SEC24A: variants seen among roughly 807,000 people sequenced by gnomAD.
SEC24A encodes the protein SEC24 homolog A, COPII component, also known as protein transport protein Sec24A.
A neutral mutation model predicts 129.4 loss-of-function variants in SEC24A; 93 were observed. That is an observed-to-expected ratio of 0.72 (90% CI 0.61 to 0.85). The LOEUF (loss-of-function observed/expected upper bound fraction) is 0.85, where lower values mean the gene tolerates loss of function less well. Among genes scored for constraint, SEC24A ranks in the 40% least tolerant of loss-of-function variants. The pLI, the probability that SEC24A is intolerant of heterozygous loss-of-function variation, is 0.00. For missense variants in SEC24A, 1,264 were observed against 1,307.4 expected (o/e 0.97, Z 0.51); for synonymous variants, 460 against 467.3 (o/e 0.98, Z 0.20).
intron 15 of SEC24A, among the ~76,000 whole-genome samples, chr5:134,701,916 A>G (rs1752019353): frequency 6.6e-6 from 1 of 152,346 alleles, no homozygotes; most frequent in African/African-American, 2.4e-5. Flanking sequence ...TACATACTCT[A>G]GAAAAGTTAA....
intron 17 of SEC24A, among the ~76,000 whole-genome samples, chr5:134,706,008 G>C (rs532889439): frequency 6.6e-6 from 1 of 151,088 alleles, no homozygotes; most frequent in Non-Finnish European, 1.5e-5. Flanking sequence ...CTGCCTCAGC[G>C]TCCCGAGTAG....
intron 8 of SEC24A, 80 bp from the exon 9 acceptor site, chr5:134,682,293 C>T: frequency 1.5e-6 from 1 of 674,410 alleles, no homozygotes; most frequent in Non-Finnish European, 2.6e-6. Context: ...GTCATCTTTT[C>T]AAGGAAGAAA....
Position 134,694,291 on chromosome 5 carries a change from C to T in SEC24A, c.1986+358C>T, listed in dbSNP as rs118129665. 4.1e-4 allele frequency among the ~76,000 whole-genome samples: 62 copies of T among 152,060 alleles called. 3 individuals are homozygous for T. In the East Asian group the frequency reaches 0.012, roughly 29 times the overall value. On this transcript the variant is annotated intron_variant, in intron 13 of 22. Coordinates refer to ENST00000398844, the MANE Select transcript of SEC24A (RefSeq NM_021982.3). ...CTGTAATCCCAACATCTTGGGAGGC[C>T]GAGTTGGGCAGTTCATCTGAGGTTG...
chr5:134,725,047 T>C lies in SEC24A; in HGVS notation c.3235T>C (p.Ser1079Pro), dbSNP rs375623851. The change falls in exon 23 of 23, where the codon TCA (serine) becomes CCA (proline). Residue 1079 changes from serine (S) to proline (P), a missense_variant. Coordinates refer to ENST00000398844, the MANE Select transcript of SEC24A (RefSeq NM_021982.3). ...AGAAGACAGAACAGAATCTGCATTA[T>C]CATATTATGAATTCCTGTTGCATAT... ...MIEDRTESAL[S>P]YYEFLLHIQQ... 6.2e-7 allele frequency: 1 copy of C among 1,602,482 alleles called. No individual in the cohort carries two copies. The highest frequency in any genetic ancestry group is 8.5e-7 in the Non-Finnish European group (1 of 1,170,648).
chr5:134,713,584 G>A (rs1325149264), intron 18 of SEC24A, among the ~76,000 whole-genome samples: 1 of 152,066 alleles, frequency 6.6e-6, no homozygotes, highest in Admixed American at 6.6e-5. Context: ...TTTTTTGAAT[G>A]AATAGATGGA....
At chr5:134,685,018 G>A (rs542153010) in intron 9 of SEC24A, among the ~76,000 whole-genome samples, 2 of 152,232 alleles carry the variant, frequency 1.3e-5, no homozygotes, top group African/African-American at 4.8e-5. Context: ...GTATCCATGA[G>A]TTCTGCATCC....
chr5:134,653,751 C>CT (rs1561798454), intron 1 of SEC24A, among the ~76,000 whole-genome samples: 1 of 152,018 alleles, frequency 6.6e-6, no homozygotes, highest in Non-Finnish European at 1.5e-5. Flanking sequence ...GTCCCAGCTA[C>CT]TGGGGAGGCT....
intron 19 of SEC24A, 56 bp downstream of exon 19, chr5:134,715,217 G>C: frequency 7.2e-7 from 1 of 1,381,728 alleles, no homozygotes. Context: ...CCTAATCATA[G>C]TCCAGTACAG....
Position 134,674,667 on chromosome 5 carries a change from T to G in SEC24A, c.870T>G (p.Tyr290Ter), listed in dbSNP as rs757498062. ...CCAAAATGAGCCGAAGTGTTGGATA[T>G]TCATATCCCTCCTTACCACCTGGTT... ...KNPKMSRSVG[Y>*]SYPSLPPGYQ... The change falls in exon 5 of 23, where the codon TAT (tyrosine) becomes TAG (stop). Residue 290 changes from tyrosine (Y) to a stop codon, truncating the protein, a stop_gained. Transcript: ENST00000398844. LOFTEE classifies it high-confidence loss of function. 1.2e-6 allele frequency: 2 copies of G among 1,614,028 alleles called. No homozygotes were observed. The highest frequency in any genetic ancestry group is 1.7e-6 in the Non-Finnish European group (2 of 1,179,924).
intron 1 of SEC24A, among the ~76,000 whole-genome samples, chr5:134,659,079 A>ATTTATTTG (rs1561801474): frequency 1.3e-5 from 2 of 150,102 alleles, no homozygotes; most frequent in African/African-American, 4.9e-5. Context: ...TTATTTATTT[A>ATTTATTTG]TTTATTTATT....
chr5:134,677,219 A>G (rs576150743), intron 7 of SEC24A, among the ~76,000 whole-genome samples: 2 of 152,198 alleles, frequency 1.3e-5, no homozygotes, highest in South Asian at 2.1e-4. Context: ...CTAAGGTGGG[A>G]GGATCACTTG....
intron 15 of SEC24A, chr5:134,701,397 T>C (rs1039906596): frequency 2.6e-5 from 4 of 152,194 alleles, no homozygotes; most frequent in Non-Finnish European, 5.9e-5. Context: ...TTAAGGGAAG[T>C]GTACATCCTA....
At position 134,697,203 on chromosome 5, in the gene SEC24A, C is replaced by T. The variant is rs746914874; in HGVS notation, c.2064C>T (p.Asp688=). 1 of 1,605,820 alleles carries T rather than the reference C, an allele frequency of 6.2e-7. No individual in the cohort carries two copies. Among genetic ancestry groups the T allele is most frequent in the Non-Finnish European group, 8.5e-7 (1 of 1,174,068 alleles). Residue 688 remains aspartate (D), a synonymous_variant, in exon 14 of 23, where the codon GAC becomes GAT. Coordinates refer to ENST00000398844, the MANE Select transcript of SEC24A (RefSeq NM_021982.3). ...GTTCTGGTCAGCAAGTTGCTGTTGA[C>T]TTATTCCTTCTCAGTGGACAGTATT... ...LDCSGQQVAV[D]LFLLSGQYSD... is the part of the protein sequence containing the mutation.
intron 7 of SEC24A, among the ~76,000 whole-genome samples, chr5:134,677,566 A>G (rs932651694): frequency 2.7e-5 from 4 of 150,594 alleles, no homozygotes; most frequent in Non-Finnish European, 4.4e-5. Context: ...GGCCAGGTGC[A>G]GTGGCTCACA....
At position 134,671,827 on chromosome 5, in the gene SEC24A, A is replaced by G. The variant is rs1750873605; in HGVS notation, c.758A>G (p.Asn253Ser). Reference protein sequence around the residue: ...VNQEGITSNTNNGSMVVHSSY... With the variant: ...VNQEGITSNTSNGSMVVHSSY... ...TTCTTAGGTATTACATCAAATACCA[A>G]TAACGGATCTATGGTGGTCCACAGT... Residue 253 changes from asparagine to serine, a missense_variant, in exon 4 of 23, where the codon AAT becomes AGT. Coordinates refer to ENST00000398844, the MANE Select transcript of SEC24A (RefSeq NM_021982.3). 4 of 1,603,696 alleles carry G rather than the reference A, an allele frequency of 2.5e-6. No individual in the cohort carries two copies. Among genetic ancestry groups the G allele is most frequent in the South Asian group, 1.1e-5 (1 of 88,376 alleles).
chr5:134,703,361 G>A (rs185748023), intron 15 of SEC24A, among the ~76,000 whole-genome samples: 52 of 151,448 alleles, frequency 3.4e-4, no homozygotes, highest in Non-Finnish European at 6.5e-4. Flanking sequence ...TCTGCCTCCC[G>A]GGTTCAAGCA....
rs1751136920 is a variant in SEC24A, at chr5:134,678,281, C to CT, written c.1255-1318dup. 7.9e-5 allele frequency among the ~76,000 whole-genome samples: 12 copies of CT among 152,078 alleles called. 1 individual carries two copies. The highest frequency in any genetic ancestry group is 7.9e-4 in the Admixed American group (12 of 15,246). On this transcript the variant is annotated intron_variant, in intron 7 of 22. Transcript: ENST00000398844. ...GGTTATTTAAATTAACCTCACCTTA[C>CT]TTTATTATAGTTGAGAACTAAGTAA...
chr5:134,692,900 A>T, intron 12 of SEC24A: 2 of 781,662 alleles, frequency 2.6e-6, no homozygotes, highest in South Asian at 3.0e-5. Flanking sequence ...TAAAGGAGGA[A>T]CACTTGAAGG....
intron 17 of SEC24A, among the ~76,000 whole-genome samples, chr5:134,708,124 G>T (rs899930824): frequency 4.6e-5 from 7 of 151,992 alleles, no homozygotes; most frequent in African/African-American, 1.7e-4. Context: ...GCGAAACTCT[G>T]TCTCTAAATA....
Sources: allele counts gnomAD v4.1 joint callset (sites outside exome capture counted in the v4.1 genomes callset), GRCh38; gene constraint gnomAD v4.1.1; transcripts MANE v1.5; gene names NCBI Gene and HGNC (gene_info 2026-07-23, HGNC 2026-07-21).